Variants in NFYC observed in about 807,000 individuals in gnomAD.
The protein encoded by NFYC is CAAT box DNA-binding protein subunit C.
NFYC carries 25 observed loss-of-function variants against 53.1 expected under a neutral mutation model. The observed-to-expected ratio is 0.47, with a 90% CI of 0.34 to 0.66. The LOEUF is 0.66. Among genes scored for constraint, NFYC ranks in the 30% least tolerant of loss-of-function variants. NFYC has a pLI of 0.01. For synonymous variants in NFYC, 145 were observed against 152.6 expected (o/e 0.95, Z 0.37); for missense variants, 260 against 422.7 (o/e 0.62, Z 3.38).
At chr1:40,715,891 A>G (rs748518278) in intron 1 of NFYC, among the ~76,000 whole-genome samples, 9 of 152,358 alleles carry the variant, frequency 5.9e-5, no homozygotes, top group Non-Finnish European at 1.3e-4. Flanking sequence ...AAGAAAGAAG[A>G]CTAAAATAAC....
intron 1 of NFYC, among the ~76,000 whole-genome samples, chr1:40,696,246 A>T (rs1643137264): frequency 6.6e-6 from 1 of 151,996 alleles, no homozygotes; most frequent in African/African-American, 2.4e-5. Context: ...GCTGGTCTCA[A>T]ACTCCTGACC....
At chr1:40,718,580 C>T (rs1030643867) in intron 1 of NFYC, among the ~76,000 whole-genome samples, 6 of 152,122 alleles carry the variant, frequency 3.9e-5, no homozygotes, top group African/African-American at 1.2e-4. Flanking sequence ...TAGGTGAACA[C>T]GGTCACTTTT....
intron 4 of NFYC, among the ~76,000 whole-genome samples, chr1:40,752,663 C>T (rs1489525440): frequency 6.6e-6 from 1 of 151,940 alleles, no homozygotes; most frequent in Non-Finnish European, 1.5e-5. Flanking sequence ...AAATAAAAAT[C>T]ATAGCTTGTG....
chr1:40,727,705 A>AT (rs1463822028), intron 1 of NFYC, among the ~76,000 whole-genome samples: 4 of 150,144 alleles, frequency 2.7e-5, no homozygotes, highest in Non-Finnish European at 5.9e-5. Context: ...TAATTTTTGT[A>AT]TTTTTTTAGT....
intron 1 of NFYC, among the ~76,000 whole-genome samples, chr1:40,708,481 C>T (rs1489880875): frequency 1.3e-5 from 2 of 152,152 alleles, no homozygotes; most frequent in African/African-American, 2.4e-5. Context: ...TGATTGTATT[C>T]ACTAATGTTC....
intron 1 of NFYC, among the ~76,000 whole-genome samples, chr1:40,704,803 A>G (rs528261350): frequency 6.6e-6 from 1 of 152,304 alleles, no homozygotes; most frequent in South Asian, 2.1e-4. Flanking sequence ...CTGGGTTTCC[A>G]GCATAAAAAG....
At chr1:40,741,407 A>C (rs1186895266) in intron 2 of NFYC, among the ~76,000 whole-genome samples, 1 of 152,194 alleles carries the variant, frequency 6.6e-6, no homozygotes, top group Non-Finnish European at 1.5e-5. Flanking sequence ...AGGCTTAACT[A>C]TGATGTTTGA....
intron 1 of NFYC, among the ~76,000 whole-genome samples, chr1:40,714,889 G>A (rs1293511734): frequency 1.3e-5 from 2 of 151,614 alleles, no homozygotes; most frequent in Non-Finnish European, 2.9e-5. Context: ...GACCATCCTG[G>A]CTAACATGGT....
At chr1:40,758,516 T>C (rs1646355522) in intron 6 of NFYC, 1 of 486,256 alleles carries the variant, frequency 2.1e-6, no homozygotes. Context: ...GAAAGTGTAC[T>C]AGACAGTATG....
chr1:40,716,901 T>C lies in NFYC; in HGVS notation c.-8-21935T>C, dbSNP rs545042039. On this transcript the variant is annotated intron_variant, in intron 1 of 9. Coordinates refer to ENST00000447388, the MANE Select transcript of NFYC (RefSeq NM_014223.5). Reference sequence around the variant, plus strand: ...GAGGAGAAAAAGTGCAAAATGATACTGAGATTTCTATCCAGTCTGGGTGAC... The same window carrying C: ...GAGGAGAAAAAGTGCAAAATGATACCGAGATTTCTATCCAGTCTGGGTGAC... 5.2e-4 allele frequency among the ~76,000 whole-genome samples: 79 copies of C among 152,052 alleles called. No homozygotes were observed. The South Asian group carries it at 0.016, about 31-fold the overall frequency.
chr1:40,712,616 T>C (rs984681347), intron 1 of NFYC: 7 of 151,434 alleles, frequency 4.6e-5, no homozygotes, highest in African/African-American at 1.7e-4. Context: ...GAGGTAATTA[T>C]AGCCTGCTGT....
intron 8 of NFYC, 66 bp downstream of exon 8, chr1:40,766,769 G>A: frequency 6.5e-7 from 1 of 1,537,122 alleles, no homozygotes; most frequent in South Asian, 1.1e-5. Flanking sequence ...GACAGGAAAG[G>A]AGCGCTCAGC....
In NFYC at chr1:40,770,178, G is replaced by T. The variant is rs745452974; in HGVS notation, c.889-531G>T. On this transcript the variant is annotated intron_variant, in intron 9 of 9. Coordinates refer to ENST00000447388, the MANE Select transcript of NFYC (RefSeq NM_014223.5). This position sits in a 1 kb window ranked among gnomAD's most constrained non-coding sequence, Gnocchi z 5.3. ...ATCTTCTCCACCCCTGGAGCGTCTTGGCTATAGTTAAGTGTTTAATACCAG... is the reference window on the plus strand; with the variant it reads ...ATCTTCTCCACCCCTGGAGCGTCTTTGCTATAGTTAAGTGTTTAATACCAG... 46 of 574,694 alleles carry T rather than the reference G, an allele frequency of 8.0e-5. No individual in the cohort carries two copies. The highest frequency in any genetic ancestry group is 1.3e-4 in the Non-Finnish European group (43 of 325,732). The allele number at this position is 574,694 out of a possible 1,614,324, so 35.6% of individuals were successfully genotyped here.
In NFYC at chr1:40,771,274, T is replaced by C. The variant is rs1192025032; in HGVS notation, c.*446T>C. On this transcript the variant is annotated 3_prime_UTR_variant, in exon 10 of 10. Coordinates refer to ENST00000447388, the MANE Select transcript of NFYC (RefSeq NM_014223.5). ...CTGCTACCCCCAAGACTTGCCACGT[T>C]GTTCTGCCCTCAGATGGAATTAGGT... The C allele has an allele frequency of 3.0e-6, 1 of 333,578 alleles. No individual in the cohort carries two copies. Among genetic ancestry groups the C allele is most frequent in the African/African-American group, 2.2e-5 (1 of 45,732 alleles). The allele number at this position is 333,578 out of a possible 1,614,324, so 20.7% of individuals were successfully genotyped here. A position where few individuals can be genotyped will look rare whatever the true frequency, so the allele number is the denominator to read the frequency against.
intron 1 of NFYC, among the ~76,000 whole-genome samples, chr1:40,708,779 CT>C (rs1643839521): frequency 6.6e-6 from 1 of 152,142 alleles, no homozygotes; most frequent in Non-Finnish European, 1.5e-5. Flanking sequence ...GCTGTATTTT[CT>C]TTGGATTAGC....
intron 1 of NFYC, chr1:40,723,396 A>G (rs1223680553): frequency 2.0e-5 from 3 of 152,196 alleles, no homozygotes; most frequent in African/African-American, 7.2e-5. Context: ...GTTACTCACC[A>G]TTCTTCCTAC....
At chr1:40,713,533 G>A (rs1644014017) in intron 1 of NFYC, among the ~76,000 whole-genome samples, 1 of 152,216 alleles carries the variant, frequency 6.6e-6, no homozygotes, top group African/African-American at 2.4e-5. Context: ...CTGTCTTCAT[G>A]AATGGAATGA....
intron 1 of NFYC, among the ~76,000 whole-genome samples, chr1:40,707,967 A>G (rs536237663): frequency 6.6e-6 from 1 of 152,302 alleles, no homozygotes; most frequent in East Asian, 1.9e-4. Context: ...TTTTAGTAAT[A>G]CATCGTCAGC....
intron 1 of NFYC, among the ~76,000 whole-genome samples, chr1:40,692,941 G>T (rs980285182): frequency 6.6e-6 from 1 of 152,162 alleles, no homozygotes. Flanking sequence ...GAAATTTGCT[G>T]CTCTAGGAAG....
Sources: allele counts gnomAD v4.1 joint callset (sites outside exome capture counted in the v4.1 genomes callset), GRCh38; gene constraint gnomAD v4.1.1; non-coding constraint Gnocchi (gnomAD v3.1); transcripts MANE v1.5; gene names NCBI Gene and HGNC (gene_info 2026-07-23, HGNC 2026-07-21).